The following AKAP13 variants were observed in gnomAD, a reference collection of about 807,000 sequenced individuals.
AKAP13 encodes A-kinase anchoring protein 13, also known as A-kinase anchor protein 13.
A neutral mutation model predicts 264.5 loss-of-function variants in AKAP13; 80 were observed. The ratio of observed to expected loss-of-function variants is 0.30; its 90% CI spans 0.25 to 0.36. The LOEUF is 0.36. Ranked by LOEUF, AKAP13 falls within the 10% of genes least tolerant of loss-of-function variation. The pLI is 1.00. For missense variants in AKAP13, 3,712 were observed against 3,435.2 expected (o/e 1.08, Z -2.01); for synonymous variants, 1,380 against 1,250.2 (o/e 1.10, Z -2.19).
At chr15:85,737,639 G>T (rs1425529729) in intron 33 of AKAP13, among the ~76,000 whole-genome samples, 3 of 152,092 alleles carry the variant, frequency 2.0e-5, no homozygotes, top group African/African-American at 7.2e-5. Flanking sequence ...CCTTCAGTGT[G>T]CTTATCTTTA....
In AKAP13 at chr15:85,745,213, C is replaced by G. The variant is rs1227608426; in HGVS notation, c.*536C>G. The G allele has an allele frequency of 6.5e-6, 1 of 152,790 alleles. No individual in the cohort carries two copies. Among genetic ancestry groups the G allele is most frequent in the Non-Finnish European group, 1.5e-5 (1 of 68,466 alleles). 9.5% of individuals were successfully genotyped at this position (152,790 alleles called of 1,614,324 possible). On this transcript the variant is annotated 3_prime_UTR_variant, in exon 37 of 37. Coordinates refer to ENST00000394518, the MANE Select transcript of AKAP13 (RefSeq NM_007200.5). ...AGTGCCTGGACGGACCCGGAGCCCC[C>G]GCATATCAGCAGTTCACCCAGTACT...
chr15:85,380,777 G>C lies in AKAP13; in HGVS notation c.-33G>C, dbSNP rs1180162012. 6.6e-6 allele frequency: 1 copy of C among 152,616 alleles called. No individual in the cohort carries two copies. The highest frequency in any genetic ancestry group is 1.5e-5 in the Non-Finnish European group (1 of 68,078). 9.5% of individuals were successfully genotyped at this position (152,616 alleles called of 1,614,324 possible). ...AAGAGTTGTCCCAGCTCGGCCCGCG[G>C]GGGAGCCCCGGGAGCCGCACGGTGA... is the stretch of plus-strand genomic sequence containing the variant. On this transcript the variant is annotated 5_prime_UTR_variant, in exon 1 of 37. Transcript: ENST00000394518.
intron 1 of AKAP13, among the ~76,000 whole-genome samples, chr15:85,462,821 G>A (rs1032405874): frequency 4.6e-5 from 7 of 151,532 alleles, no homozygotes; most frequent in Non-Finnish European, 8.8e-5. Flanking sequence ...TCAGGAGATC[G>A]AGACCATCCC....
chr15:85,487,382 T>A (rs1057273886), intron 2 of AKAP13, among the ~76,000 whole-genome samples: 4 of 152,188 alleles, frequency 2.6e-5, no homozygotes, highest in African/African-American at 9.7e-5. Context: ...AAGTATGATG[T>A]TGTTAGGTGT....
In AKAP13 at chr15:85,744,986, G is replaced by T. The variant is rs185475677; in HGVS notation, c.*309G>T. On this transcript the variant is annotated 3_prime_UTR_variant, in exon 37 of 37. Coordinates refer to ENST00000394518, the MANE Select transcript of AKAP13 (RefSeq NM_007200.5). ...CAGGTGATGGTTTTGGACACGTCAG[G>T]AATTCCTAAAGGCTGAAAGAGTGTA... 4 of 279,370 alleles carry T rather than the reference G, an allele frequency of 1.4e-5. No individual in the cohort carries two copies. The highest frequency in any genetic ancestry group is 9.4e-5 in the Admixed American group (2 of 21,200). The allele number at this position is 279,370 out of a possible 1,614,324, so 17.3% of individuals were successfully genotyped here.
chr15:85,530,004 C>T (rs887474433), intron 3 of AKAP13, among the ~76,000 whole-genome samples: 2 of 152,100 alleles, frequency 1.3e-5, no homozygotes, highest in Non-Finnish European at 2.9e-5. Flanking sequence ...TCAGGTATCT[C>T]TTTCATGGCT....
intron 16 of AKAP13, chr15:85,685,232 T>A (rs1453565308): frequency 1.2e-5 from 2 of 163,476 alleles, no homozygotes; most frequent in African/African-American, 4.8e-5. Flanking sequence ...AATCCCATAC[T>A]CTTAAACCAC....
chr15:85,630,911 A>G (rs1007109823), intron 8 of AKAP13, among the ~76,000 whole-genome samples: 1 of 152,194 alleles, frequency 6.6e-6, no homozygotes, highest in Non-Finnish European at 1.5e-5. Flanking sequence ...CAGCAGTTCC[A>G]GTCCTAGGCG....
chr15:85,430,319 G>C (rs1271050294), intron 1 of AKAP13, among the ~76,000 whole-genome samples: 6 of 152,170 alleles, frequency 3.9e-5, no homozygotes, highest in Admixed American at 2.6e-4. Flanking sequence ...CTACTTTCAA[G>C]TTATTTTCTG....
At chr15:85,644,916 T>C (rs1422450368) in intron 9 of AKAP13, among the ~76,000 whole-genome samples, 3 of 152,144 alleles carry the variant, frequency 2.0e-5, no homozygotes, top group Non-Finnish European at 4.4e-5. Flanking sequence ...ATGTCACTTT[T>C]GTTTACAAAG....
At position 85,443,394 on chromosome 15, in the gene AKAP13, G is replaced by C. The variant is rs555076578; in HGVS notation, c.-11-42316G>C. Among the ~76,000 whole-genome samples, 6 of 152,222 alleles carry C rather than the reference G, an allele frequency of 3.9e-5. No homozygotes were observed. The Middle Eastern group carries it at 0.017, about 431-fold the overall frequency. The stretch of plus-strand genomic sequence containing the variant: ...TTCATCATCAATTTTACTTTCTTAA[G>C]TATTAACTAATTACTAGCTGTGGAT... On this transcript the variant is annotated intron_variant, in intron 1 of 36. Transcript: ENST00000394518.
chr15:85,560,389 T>G (rs901017073), intron 5 of AKAP13, among the ~76,000 whole-genome samples: 3 of 152,050 alleles, frequency 2.0e-5, no homozygotes, highest in African/African-American at 2.4e-5. Flanking sequence ...TCAAGCAATC[T>G]TCTCACCTCA....
At chr15:85,598,107 C>A (rs2079897958) in intron 8 of AKAP13, among the ~76,000 whole-genome samples, 1 of 152,056 alleles carries the variant, frequency 6.6e-6, no homozygotes, top group Non-Finnish European at 1.5e-5. Flanking sequence ...ATTCTTCCTC[C>A]TTGTTTTGCT....
At chr15:85,719,403 C>G in intron 23 of AKAP13, 77 bp downstream of exon 23, 5 of 1,536,028 alleles carry the variant, frequency 3.3e-6, no homozygotes, top group Non-Finnish European at 4.4e-6. Context: ...GCCATGCATT[C>G]ACATCTTCTT....
Position 85,710,646 on chromosome 15 carries a change from G to GT in AKAP13, c.5599+2dup, listed in dbSNP as rs1339451626. ...CCCACGGTCATTATGAGAAACAAGC[G>GT]TAAGTAGCTCAGCCCACCTCTCAAT... is the stretch of plus-strand genomic sequence containing the variant. On this transcript the variant is annotated splice_donor_variant, in intron 19 of 36. Coordinates refer to ENST00000394518, the MANE Select transcript of AKAP13 (RefSeq NM_007200.5). LOFTEE classifies it high-confidence loss of function. 1 of 1,613,304 alleles carries GT rather than the reference G, an allele frequency of 6.2e-7. No individual in the cohort carries two copies. The highest frequency in any genetic ancestry group is 1.3e-5 in the African/African-American group (1 of 74,884).
At chr15:85,630,189 A>G (rs2081651738) in intron 8 of AKAP13, among the ~76,000 whole-genome samples, 1 of 77,520 alleles carries the variant, frequency 1.3e-5, no homozygotes, top group African/African-American at 5.3e-5. Context: ...ACACACACAC[A>G]CACACACACA....
intron 2 of AKAP13, among the ~76,000 whole-genome samples, chr15:85,511,194 T>C (rs2076405536): frequency 6.6e-6 from 1 of 152,230 alleles, no homozygotes; most frequent in African/African-American, 2.4e-5. Flanking sequence ...GCTGATCCTC[T>C]CTTCTCTGAT....
intron 3 of AKAP13, among the ~76,000 whole-genome samples, chr15:85,532,041 G>A (rs1369563089): frequency 6.6e-6 from 1 of 152,136 alleles, no homozygotes; most frequent in Admixed American, 6.5e-5. Flanking sequence ...TGTGTAACAT[G>A]GGGCAAGTTA....
intron 2 of AKAP13, among the ~76,000 whole-genome samples, chr15:85,501,708 C>G (rs1470523427): frequency 2.0e-5 from 3 of 152,212 alleles, no homozygotes; most frequent in African/African-American, 2.4e-5. Flanking sequence ...ACTTTTGTCA[C>G]TTGCTGAGGT....
Sources: allele counts gnomAD v4.1 joint callset (sites outside exome capture counted in the v4.1 genomes callset), GRCh38; gene constraint gnomAD v4.1.1; transcripts MANE v1.5; gene names NCBI Gene and HGNC (gene_info 2026-07-23, HGNC 2026-07-21).